The following DLGAP2 variants were observed in gnomAD, a reference collection of about 807,000 sequenced individuals.
The protein encoded by DLGAP2 is DLG associated protein 2.
DLGAP2 carries 26 observed loss-of-function variants against 100.3 expected under a neutral mutation model. The observed-to-expected ratio is 0.26, with a 90% CI of 0.19 to 0.36. The LOEUF is 0.36. DLGAP2 is among the 10% of genes least tolerant of loss of function. The pLI is 1.00. For missense variants in DLGAP2, 1,858 were observed against 1,453.2 expected, an observed-to-expected ratio of 1.28 and a Z score of -4.53; for synonymous variants, 886 against 630.1, an observed-to-expected ratio of 1.41 and a Z score of -6.08.
chr8:1,409,549 G>T (rs1796671080), intron 3 of DLGAP2, among the ~76,000 whole-genome samples: 1 of 152,234 alleles, frequency 6.6e-6, no homozygotes, highest in Non-Finnish European at 1.5e-5. Context: ...TTCCCAGCCT[G>T]TCACCGTGTG....
intron 2 of DLGAP2, among the ~76,000 whole-genome samples, chr8:1,226,937 G>A (rs114583112): frequency 6.6e-6 from 1 of 151,702 alleles, no homozygotes; most frequent in East Asian, 1.9e-4. Context: ...AACAATTATG[G>A]AAAACAGTAT....
chr8:1,187,329 C>T (rs1192398868), intron 2 of DLGAP2, among the ~76,000 whole-genome samples: 8 of 144,792 alleles, frequency 5.5e-5, no homozygotes, highest in East Asian at 2.1e-4. Flanking sequence ...TTCCCTCACA[C>T]GCCCAGGACC....
At chr8:1,552,922 A>G (rs974289829) in intron 5 of DLGAP2, among the ~76,000 whole-genome samples, 2 of 152,194 alleles carry the variant, frequency 1.3e-5, no homozygotes, top group African/African-American at 4.8e-5. Context: ...TCTTGTTTTC[A>G]TCTTTTCTGC....
At chr8:1,267,190 C>G (rs537783389) in intron 3 of DLGAP2, among the ~76,000 whole-genome samples, 3 of 151,218 alleles carry the variant, frequency 2.0e-5, no homozygotes, top group African/African-American at 7.3e-5. Context: ...CAAGATTGCA[C>G]CACTGCACTC....
intron 3 of DLGAP2, among the ~76,000 whole-genome samples, chr8:1,485,854 A>G (rs1799223480): frequency 6.6e-6 from 1 of 152,054 alleles, no homozygotes; most frequent in Non-Finnish European, 1.5e-5. Flanking sequence ...GCGAAACCCC[A>G]TCTCTACTAA....
intron 2 of DLGAP2, among the ~76,000 whole-genome samples, chr8:1,202,421 G>A (rs1205586040): frequency 6.6e-6 from 1 of 152,116 alleles, no homozygotes; most frequent in Non-Finnish European, 1.5e-5. Flanking sequence ...TGAGCCCTCA[G>A]GACTGTGAGG....
intron 3 of DLGAP2, among the ~76,000 whole-genome samples, chr8:1,283,191 C>G (rs112669930): frequency 2.9e-5 from 4 of 137,294 alleles, no homozygotes; most frequent in African/African-American, 8.1e-5. Flanking sequence ...AGCACGTGAA[C>G]CATCCAGACG....
intron 3 of DLGAP2, among the ~76,000 whole-genome samples, chr8:1,335,854 A>T (rs1019951144): frequency 1.3e-5 from 2 of 152,242 alleles, no homozygotes; most frequent in Non-Finnish European, 2.9e-5. Flanking sequence ...AAAGGAAACT[A>T]AGGGAAGCAA....
At chr8:1,032,427 A>C (rs1584995453) in intron 2 of DLGAP2, among the ~76,000 whole-genome samples, 2 of 152,332 alleles carry the variant, frequency 1.3e-5, no homozygotes, top group East Asian at 3.9e-4. Context: ...CGCACGATGG[A>C]GAAACGTTTG....
intron 3 of DLGAP2, among the ~76,000 whole-genome samples, chr8:1,350,384 G>A (rs548108361): frequency 1.1e-5 from 1 of 94,070 alleles, no homozygotes; most frequent in African/African-American, 3.8e-5. Flanking sequence ...CTGACTGTGC[G>A]TGGAAAGGCC....
intron 3 of DLGAP2, among the ~76,000 whole-genome samples, chr8:1,416,541 A>T (rs1188430700): frequency 6.6e-6 from 1 of 152,190 alleles, no homozygotes; most frequent in Non-Finnish European, 1.5e-5. Context: ...GAACCACCCG[A>T]GGCCTGAACC....
At chr8:1,112,612 A>T (rs1804996125) in intron 2 of DLGAP2, among the ~76,000 whole-genome samples, 1 of 152,208 alleles carries the variant, frequency 6.6e-6, no homozygotes, top group Non-Finnish European at 1.5e-5. Context: ...GATACTGGAT[A>T]TGAGACCTTT....
At chr8:1,080,834 G>C (rs1406199115) in intron 2 of DLGAP2, among the ~76,000 whole-genome samples, 1 of 152,180 alleles carries the variant, frequency 6.6e-6, no homozygotes, top group African/African-American at 2.4e-5. Flanking sequence ...CTGAGGAGTT[G>C]TCCAGGCTAC....
At chr8:1,454,499 C>G (rs541752072) in intron 3 of DLGAP2, among the ~76,000 whole-genome samples, 1 of 152,210 alleles carries the variant, frequency 6.6e-6, no homozygotes, top group South Asian at 2.1e-4. Context: ...AACCAGAAAC[C>G]CACCCCTGGA....
At chr8:1,023,127 G>A (rs974828121) in intron 2 of DLGAP2, among the ~76,000 whole-genome samples, 5 of 152,218 alleles carry the variant, frequency 3.3e-5, no homozygotes, top group Admixed American at 1.3e-4. Flanking sequence ...GCGTGATGCC[G>A]ATTTTCAAAT....
At chr8:862,065 T>C (rs1377874882) in intron 1 of DLGAP2, among the ~76,000 whole-genome samples, 1 of 152,192 alleles carries the variant, frequency 6.6e-6, no homozygotes, top group Non-Finnish European at 1.5e-5. Context: ...TTTCTGTAAT[T>C]CTCCTGAACC....
At chr8:1,624,277 A>G (rs562864624) in intron 6 of DLGAP2, among the ~76,000 whole-genome samples, 1 of 152,260 alleles carries the variant, frequency 6.6e-6, no homozygotes, top group Admixed American at 6.5e-5. Flanking sequence ...CAGCAATCTC[A>G]AGGAAGCATG....
At chr8:1,201,171 G>T (rs1014695686) in intron 2 of DLGAP2, among the ~76,000 whole-genome samples, 11 of 152,216 alleles carry the variant, frequency 7.2e-5, no homozygotes, top group African/African-American at 1.4e-4. Context: ...GGCTGAAGCC[G>T]CTGCGTAGGG....
intron 2 of DLGAP2, among the ~76,000 whole-genome samples, chr8:1,064,894 C>T (rs753543622): frequency 1.3e-5 from 2 of 152,266 alleles, no homozygotes; most frequent in African/African-American, 2.4e-5. Context: ...GTGGAGAATC[C>T]GTTTAAGGAA....
Sources: gnomAD v4.1 joint callset for allele counts (sites outside exome capture counted in the v4.1 genomes callset) on GRCh38, gnomAD v4.1.1 for gene constraint, MANE v1.5 for transcripts, NCBI Gene and HGNC (gene_info 2026-07-23, HGNC 2026-07-21) for gene names.